The following TRPC1 variants were observed in gnomAD, a reference collection of about 807,000 sequenced individuals.
The protein encoded by TRPC1 is short transient receptor potential channel 1.
Under a neutral mutation model 88.2 loss-of-function variants are expected in TRPC1, and 42 were observed. The ratio of observed to expected loss-of-function variants is 0.48; its 90% CI spans 0.37 to 0.62. The LOEUF is 0.62. Ranked by LOEUF, TRPC1 falls within the 20% of genes least tolerant of loss-of-function variation. TRPC1 has a pLI of 0.00. For synonymous variants in TRPC1, 288 were observed against 331.8 expected, an observed-to-expected ratio of 0.87 and a Z score of 1.43; for missense variants, 699 against 957.3, an observed-to-expected ratio of 0.73 and a Z score of 3.56.
chr3:142,724,940 C>T lies in TRPC1; in HGVS notation c.172+209C>T, dbSNP rs1021569782. ...GAGAGTGGAGCTGGGGCTGCGCCCT[C>T]GGAGCGCTGCACCGTCGGGGGTGGC... On this transcript the variant is annotated intron_variant, in intron 1 of 12. Transcript: ENST00000476941. This position sits in a 1 kb window ranked among gnomAD's most constrained non-coding sequence, Gnocchi z 5.6. Among the ~76,000 whole-genome samples the T allele has an allele frequency of 6.6e-6, 1 of 152,196 alleles. No homozygotes were observed. Among genetic ancestry groups the T allele is most frequent in the Admixed American group, 6.5e-5 (1 of 15,290 alleles).
intron 3 of TRPC1, among the ~76,000 whole-genome samples, chr3:142,747,161 C>T (rs1205931021): frequency 6.6e-6 from 1 of 151,890 alleles, no homozygotes; most frequent in African/African-American, 2.4e-5. Flanking sequence ...CTTAGAATAC[C>T]TACTGTTTAT....
intron 8 of TRPC1, among the ~76,000 whole-genome samples, chr3:142,791,852 T>G (rs1936305044): frequency 6.6e-6 from 1 of 152,054 alleles, no homozygotes; most frequent in Non-Finnish European, 1.5e-5. Flanking sequence ...TCTACCCTTA[T>G]AGATAACTTA....
intron 4 of TRPC1, among the ~76,000 whole-genome samples, chr3:142,770,885 T>C (rs894658775): frequency 2.0e-5 from 3 of 152,228 alleles, no homozygotes; most frequent in Non-Finnish European, 4.4e-5. Context: ...TTTATTTGGC[T>C]TATTGTTCTG....
At chr3:142,750,738 A>T (rs931153238) in intron 4 of TRPC1, among the ~76,000 whole-genome samples, 5 of 152,194 alleles carry the variant, frequency 3.3e-5, no homozygotes, top group Admixed American at 3.3e-4. Context: ...TGCAGCCATA[A>T]AAAAGGATGA....
intron 4 of TRPC1, among the ~76,000 whole-genome samples, chr3:142,775,566 C>T (rs987723531): frequency 2.6e-5 from 4 of 151,838 alleles, no homozygotes; most frequent in Non-Finnish European, 4.4e-5. Context: ...CTGCAGTGAG[C>T]AAAAGTTGCG....
intron 1 of TRPC1, among the ~76,000 whole-genome samples, chr3:142,730,462 C>T (rs946972509): frequency 6.6e-6 from 1 of 151,980 alleles, no homozygotes; most frequent in Non-Finnish European, 1.5e-5. Context: ...AACAGTTTAG[C>T]CTACCATGTT....
chr3:142,724,624 C>T lies in TRPC1; in HGVS notation c.65C>T (p.Ser22Phe). Reference protein sequence around the residue: ...SGASSSSLPSSPSSSSPNEVM... With the variant: ...SGASSSSLPSFPSSSSPNEVM... ...GCCTCCTCCTCCTCCCTGCCTTCCT[C>T]TCCATCCTCTTCCTCGCCGAACGAG... Residue 22 changes from serine to phenylalanine, a missense_variant, in exon 1 of 13, where the codon TCT becomes TTT. Ser to Phe is a radical substitution (Grantham distance 155, BLOSUM62 -2). Around this residue, in one of 4 missense-constraint regions of TRPC1, gnomAD observed 157 missense variants for 127.0 expected, o/e 1.24. Coordinates refer to ENST00000476941, the MANE Select transcript of TRPC1 (RefSeq NM_001251845.2). This position sits in a 1 kb window ranked among gnomAD's most constrained non-coding sequence, Gnocchi z 5.6. The T allele has an allele frequency of 6.2e-7, 1 of 1,612,406 alleles. No homozygotes were observed. The highest frequency in any genetic ancestry group is 1.3e-5 in the African/African-American group (1 of 74,798).
At chr3:142,774,042 C>T (rs111643069) in intron 4 of TRPC1, among the ~76,000 whole-genome samples, 2 of 152,008 alleles carry the variant, frequency 1.3e-5, no homozygotes, top group Admixed American at 6.6e-5. Context: ...GTTTTAGTCT[C>T]ATTTTCATTG....
intron 9 of TRPC1, among the ~76,000 whole-genome samples, chr3:142,798,640 G>C (rs1168168960): frequency 2.0e-5 from 3 of 152,180 alleles, no homozygotes; most frequent in African/African-American, 2.4e-5. Context: ...CCGTGGATTG[G>C]AGTTGGGGAG....
intron 4 of TRPC1, among the ~76,000 whole-genome samples, chr3:142,751,775 T>G (rs1408573196): frequency 6.6e-6 from 1 of 152,140 alleles, no homozygotes; most frequent in Non-Finnish European, 1.5e-5. Flanking sequence ...GAACAAACCT[T>G]TGATGGATTT....
chr3:142,756,646 A>C (rs1934977749), intron 4 of TRPC1, among the ~76,000 whole-genome samples: 2 of 152,182 alleles, frequency 1.3e-5, no homozygotes, highest in African/African-American at 4.8e-5. Flanking sequence ...GGCATGAGCC[A>C]CTGCACCAGG....
Position 142,802,256 on chromosome 3 carries a change from C to A in TRPC1, c.1669C>A (p.Gln557Lys), listed in dbSNP as rs774636804. ...GTTTTCTTTCACAATTGGACTGACACAACTGTATGATAAAGGATATACTTC... is the reference window on the plus strand; with the variant it reads ...GTTTTCTTTCACAATTGGACTGACAAAACTGTATGATAAAGGATATACTTC... The part of the protein sequence containing the change: ...VLFSFTIGLT[Q>K]LYDKGYTSKE... Residue 557 changes from glutamine to lysine, a missense_variant, in exon 10 of 13, where the codon CAA (glutamine) becomes AAA (lysine). Gln to Lys is a moderately conservative substitution (Grantham distance 53). Coordinates refer to ENST00000476941, the MANE Select transcript of TRPC1 (RefSeq NM_001251845.2). 1.3e-6 allele frequency: 2 copies of A among 1,599,944 alleles called. No homozygotes were observed. Among genetic ancestry groups the A allele is most frequent in the South Asian group, 1.1e-5 (1 of 87,814 alleles).
At chr3:142,796,609 G>A (rs962832125) in intron 9 of TRPC1, among the ~76,000 whole-genome samples, 6 of 151,682 alleles carry the variant, frequency 4.0e-5, no homozygotes, top group Admixed American at 1.3e-4. Flanking sequence ...ACTCTGCTGC[G>A]TGGGTCCCTG....
intron 6 of TRPC1, among the ~76,000 whole-genome samples, 170 bp downstream of exon 6, chr3:142,781,199 A>C (rs1006496895): frequency 6.6e-5 from 10 of 152,210 alleles, no homozygotes; most frequent in African/African-American, 2.4e-4. Flanking sequence ...TTTAATAATT[A>C]ATTAAGAATA....
intron 3 of TRPC1, 24 bp downstream of exon 3, chr3:142,743,610 A>G: frequency 7.1e-7 from 1 of 1,414,822 alleles, no homozygotes. Context: ...AATATTTATT[A>G]ATTTGGATTT....
chr3:142,782,289 A>T (rs59456283), intron 6 of TRPC1, among the ~76,000 whole-genome samples: 4,185 of 152,212 alleles, frequency 0.027, 184 homozygotes, highest in African/African-American at 0.095. Flanking sequence ...AAAAGACAAG[A>T]AGTAGTAGTA....
chr3:142,770,430 C>T (rs1034926910), intron 4 of TRPC1, among the ~76,000 whole-genome samples: 6 of 152,120 alleles, frequency 3.9e-5, no homozygotes, highest in African/African-American at 1.4e-4. Flanking sequence ...TGGATTGACC[C>T]TGTTATTCTT....
intron 4 of TRPC1, among the ~76,000 whole-genome samples, chr3:142,756,793 A>G (rs1364401215): frequency 6.6e-6 from 1 of 152,196 alleles, no homozygotes; most frequent in Admixed American, 6.5e-5. Context: ...TTGTTGAGGT[A>G]AAATATATGT....
chr3:142,763,818 T>C (rs1935272989), intron 4 of TRPC1, among the ~76,000 whole-genome samples: 1 of 151,554 alleles, frequency 6.6e-6, no homozygotes, highest in Non-Finnish European at 1.5e-5. Context: ...TATTTTAATT[T>C]ATTGATGTTT....
Sources: allele counts gnomAD v4.1 joint callset (sites outside exome capture counted in the v4.1 genomes callset), GRCh38; gene constraint gnomAD v4.1.1; regional missense constraint gnomAD v4.1.1; non-coding constraint Gnocchi (gnomAD v3.1); transcripts MANE v1.5; gene names NCBI Gene and HGNC (gene_info 2026-07-23, HGNC 2026-07-21).